Variants in DCC observed in about 807,000 individuals in gnomAD.
DCC encodes the protein netrin receptor DCC.
In DCC, 58 loss-of-function variants were observed where a neutral mutation model predicts 172.5. The ratio of observed to expected loss-of-function variants is 0.34; its 90% CI spans 0.27 to 0.42. The LOEUF is 0.42. Ranked by LOEUF, DCC falls within the 10% of genes least tolerant of loss-of-function variation. DCC has a pLI of 1.00. For missense variants in DCC, 1,740 were observed against 1,791.0 expected (o/e 0.97, Z 0.51); for synonymous variants, 709 against 644.5 (o/e 1.10, Z -1.52).
intron 1 of DCC, among the ~76,000 whole-genome samples, chr18:52,732,824 G>C (rs755772401): frequency 2.2e-4 from 33 of 152,222 alleles, no homozygotes; most frequent in Non-Finnish European, 3.5e-4. Flanking sequence ...ATAGGTTAAA[G>C]TATTGGTTCA....
At chr18:52,783,068 T>C (rs2037578081) in intron 2 of DCC, among the ~76,000 whole-genome samples, 2 of 152,042 alleles carry the variant, frequency 1.3e-5, no homozygotes, top group African/African-American at 4.8e-5. Flanking sequence ...AGTATGTGTA[T>C]GTCATAATGA....
At chr18:52,822,838 C>T (rs374729151) in intron 2 of DCC, among the ~76,000 whole-genome samples, 4 of 152,208 alleles carry the variant, frequency 2.6e-5, no homozygotes, top group African/African-American at 7.2e-5. Flanking sequence ...TTAATTATGA[C>T]ATATTTTTAT....
intron 14 of DCC, among the ~76,000 whole-genome samples, chr18:53,333,709 A>G (rs1282856478): frequency 6.6e-6 from 1 of 152,162 alleles, no homozygotes; most frequent in African/African-American, 2.4e-5. Flanking sequence ...GTGGTTTGAG[A>G]ACACCTTGGG....
chr18:53,229,566 A>G (rs550508575), intron 12 of DCC, among the ~76,000 whole-genome samples: 1 of 152,238 alleles, frequency 6.6e-6, no homozygotes, highest in East Asian at 1.9e-4. Flanking sequence ...CAGTGACATT[A>G]TGCTGGCAGC....
intron 2 of DCC, among the ~76,000 whole-genome samples, chr18:52,860,505 A>C (rs961158042): frequency 1.1e-3 from 174 of 152,354 alleles, no homozygotes; most frequent in African/African-American, 3.8e-3. Flanking sequence ...AACAATGGGC[A>C]GGGCTAGAAT....
chr18:52,447,457 C>T (rs1333473596), intron 1 of DCC, among the ~76,000 whole-genome samples: 1 of 152,190 alleles, frequency 6.6e-6, no homozygotes. Flanking sequence ...AAACATGGGA[C>T]AGAAGTGTGA....
chr18:52,699,723 T>C (rs1375144366), intron 1 of DCC, among the ~76,000 whole-genome samples: 2 of 152,214 alleles, frequency 1.3e-5, no homozygotes, highest in African/African-American at 2.4e-5. Flanking sequence ...TAACTTTTGT[T>C]ACTTTGTATC....
chr18:53,047,558 C>A (rs1284862060), intron 5 of DCC, among the ~76,000 whole-genome samples: 1 of 144,498 alleles, frequency 6.9e-6, no homozygotes, highest in Non-Finnish European at 1.5e-5. Flanking sequence ...TGACCCTACC[C>A]TTCGTTGCCT....
At chr18:53,323,794 A>G (rs1254654789) in intron 14 of DCC, among the ~76,000 whole-genome samples, 1 of 152,144 alleles carries the variant, frequency 6.6e-6, no homozygotes, top group Non-Finnish European at 1.5e-5. Flanking sequence ...GGTATGCAAA[A>G]ATACATTGGC....
chr18:52,789,076 A>C (rs2145201201), intron 2 of DCC, among the ~76,000 whole-genome samples: 1 of 152,220 alleles, frequency 6.6e-6, no homozygotes, highest in Non-Finnish European at 1.5e-5. Context: ...ACGATTAGAC[A>C]TCCCTTAAAG....
At chr18:53,135,460 T>G (rs1344721490) in intron 7 of DCC, among the ~76,000 whole-genome samples, 3 of 152,162 alleles carry the variant, frequency 2.0e-5, no homozygotes, top group Non-Finnish European at 4.4e-5. Context: ...ATATTTTGAT[T>G]TTTACACTCC....
At chr18:52,582,863 C>CT (rs1468217267) in intron 1 of DCC, among the ~76,000 whole-genome samples, 1 of 152,178 alleles carries the variant, frequency 6.6e-6, no homozygotes, top group African/African-American at 2.4e-5. Flanking sequence ...AAAATGACAA[C>CT]TTTTTTTTCT....
intron 15 of DCC, among the ~76,000 whole-genome samples, chr18:53,382,012 C>T (rs1447778179): frequency 1.3e-5 from 2 of 151,622 alleles, no homozygotes; most frequent in Admixed American, 1.3e-4. Flanking sequence ...TAGTGGCTCT[C>T]ATACACTGTA....
At chr18:53,177,147 G>C (rs1484978889) in intron 8 of DCC, among the ~76,000 whole-genome samples, 3 of 151,020 alleles carry the variant, frequency 2.0e-5, no homozygotes, top group African/African-American at 7.3e-5. Flanking sequence ...CATGGACACA[G>C]GAAGGGGAAT....
intron 27 of DCC, among the ~76,000 whole-genome samples, chr18:53,519,349 A>C (rs1017106713): frequency 6.6e-6 from 1 of 152,030 alleles, no homozygotes; most frequent in Non-Finnish European, 1.5e-5. Context: ...CACACAGTTT[A>C]CCATCATTGA....
intron 1 of DCC, among the ~76,000 whole-genome samples, chr18:52,512,050 A>G (rs1167566282): frequency 6.6e-6 from 1 of 152,238 alleles, no homozygotes; most frequent in Non-Finnish European, 1.5e-5. Context: ...GCCATTAAGC[A>G]GGATACAAGA....
chr18:53,368,285 G>C (rs555389851), intron 15 of DCC, among the ~76,000 whole-genome samples: 3 of 152,176 alleles, frequency 2.0e-5, no homozygotes, highest in South Asian at 2.1e-4. Context: ...GAATTAGGCT[G>C]TTTGTATTTG....
chr18:52,692,702 G>T (rs933767650), intron 1 of DCC, among the ~76,000 whole-genome samples: 11 of 152,084 alleles, frequency 7.2e-5, no homozygotes, highest in Non-Finnish European at 1.3e-4. Context: ...AAAGAATTGG[G>T]ATTAGCAGCG....
chr18:52,654,750 A>G (rs1460192), intron 1 of DCC, among the ~76,000 whole-genome samples: 141,149 of 152,126 alleles, frequency 0.93, 66,015 homozygotes, highest in East Asian at 1. Context: ...ATACAACTAA[A>G]GCTTTAACAT....
Sources: gnomAD v4.1 joint callset for allele counts (sites outside exome capture counted in the v4.1 genomes callset) on GRCh38, gnomAD v4.1.1 for gene constraint, MANE v1.5 for transcripts, NCBI Gene and HGNC (gene_info 2026-07-23, HGNC 2026-07-21) for gene names.